The following DNER variants were observed in gnomAD, a reference collection of about 807,000 sequenced individuals.
The protein encoded by DNER is delta/notch like EGF repeat containing.
In DNER, 33 loss-of-function variants were observed where a neutral mutation model predicts 78.2. That is an observed-to-expected ratio of 0.42 (90% CI 0.32 to 0.56). The LOEUF is 0.56. DNER is among the 20% of genes least tolerant of loss of function. DNER has a pLI of 0.11. For synonymous variants in DNER, 417 were observed against 384.8 expected (o/e 1.08, Z -0.98); for missense variants, 918 against 975.3 (o/e 0.94, Z 0.78).
At chr2:229,515,351 G>A (rs1695948751) in intron 5 of DNER, among the ~76,000 whole-genome samples, 1 of 152,188 alleles carries the variant, frequency 6.6e-6, no homozygotes, top group African/African-American at 2.4e-5. Flanking sequence ...CTGTGCATTG[G>A]AAGATTTGTG....
At chr2:229,485,992 G>T (rs1346501343) in intron 6 of DNER, among the ~76,000 whole-genome samples, 1 of 152,096 alleles carries the variant, frequency 6.6e-6, no homozygotes, top group Non-Finnish European at 1.5e-5. Flanking sequence ...CTGAATTTGG[G>T]CTGAATGCTG....
intron 5 of DNER, among the ~76,000 whole-genome samples, chr2:229,528,333 T>C (rs1696243731): frequency 6.6e-6 from 1 of 152,328 alleles, no homozygotes; most frequent in Non-Finnish European, 1.5e-5. Flanking sequence ...GCGCATCACA[T>C]GTGCCACCTT....
chr2:229,572,345 A>T (rs186454388), intron 4 of DNER, among the ~76,000 whole-genome samples: 115 of 152,272 alleles, frequency 7.6e-4, no homozygotes, highest in Non-Finnish European at 1.1e-3. Context: ...ACACTCCTTG[A>T]TCTTCCGATT....
At chr2:229,566,841 T>A in intron 4 of DNER, among the ~76,000 whole-genome samples, 1 of 152,208 alleles carries the variant, frequency 6.6e-6, no homozygotes, top group African/African-American at 2.4e-5. Context: ...TGACTTGTTT[T>A]TCTGCAAAAT....
At chr2:229,362,691 T>G (rs1342483479) in intron 12 of DNER, among the ~76,000 whole-genome samples, 1 of 152,216 alleles carries the variant, frequency 6.6e-6, no homozygotes, top group East Asian at 1.9e-4. Context: ...TTTAGCACAG[T>G]GTCTGGCCCA....
chr2:229,706,242 T>A (rs972156635), intron 1 of DNER, among the ~76,000 whole-genome samples: 4 of 152,154 alleles, frequency 2.6e-5, no homozygotes, highest in African/African-American at 9.7e-5. Context: ...TCTTCCTTTA[T>A]CAAGGGCCAT....
At chr2:229,713,807 G>T (rs943049277) in intron 1 of DNER, among the ~76,000 whole-genome samples, 1 of 152,186 alleles carries the variant, frequency 6.6e-6, no homozygotes, top group Admixed American at 6.5e-5. Flanking sequence ...CTGCCAAGGC[G>T]GGCACCGCTC....
chr2:229,548,086 AGC>A (rs1174050887), intron 4 of DNER, among the ~76,000 whole-genome samples: 1 of 152,226 alleles, frequency 6.6e-6, no homozygotes, highest in Non-Finnish European at 1.5e-5. Flanking sequence ...ATCATTACAA[AGC>A]CACATTCATA....
chr2:229,661,222 TTGTG>T (rs149147322), intron 1 of DNER, among the ~76,000 whole-genome samples: 1 of 151,582 alleles, frequency 6.6e-6, no homozygotes, highest in Non-Finnish European at 1.5e-5. Flanking sequence ...TAATCCATAA[TTGTG>T]TGTGTGTGTG....
intron 1 of DNER, among the ~76,000 whole-genome samples, chr2:229,615,794 A>T (rs377680680): frequency 3.2e-5 from 1 of 30,900 alleles, no homozygotes; most frequent in South Asian, 6.4e-4. Flanking sequence ...GACTAGCGGC[A>T]AAAAAAAAAA....
At chr2:229,661,843 A>C (rs1341527065) in intron 1 of DNER, among the ~76,000 whole-genome samples, 2 of 152,190 alleles carry the variant, frequency 1.3e-5, no homozygotes, top group East Asian at 3.9e-4. Flanking sequence ...ATGCTTTGCC[A>C]CTTCATGGTT....
chr2:229,668,290 T>G (rs1699129957), intron 1 of DNER, among the ~76,000 whole-genome samples: 1 of 151,628 alleles, frequency 6.6e-6, no homozygotes, highest in East Asian at 1.9e-4. Flanking sequence ...CTAACTTAAT[T>G]TGCCTTTTAT....
chr2:229,445,483 G>A (rs574613694), intron 8 of DNER, among the ~76,000 whole-genome samples: 18 of 152,290 alleles, frequency 1.2e-4, no homozygotes, highest in South Asian at 6.2e-4. Flanking sequence ...TTAGATACTC[G>A]CTCAAACACT....
At chr2:229,597,436 T>A (rs866052055) in intron 1 of DNER, among the ~76,000 whole-genome samples, 1 of 152,208 alleles carries the variant, frequency 6.6e-6, no homozygotes, top group Non-Finnish European at 1.5e-5. Flanking sequence ...TTGTATTTTA[T>A]CTCATTAAGG....
chr2:229,573,735 C>T (rs1299099324), intron 4 of DNER, among the ~76,000 whole-genome samples: 1 of 152,124 alleles, frequency 6.6e-6, no homozygotes, highest in Non-Finnish European at 1.5e-5. Flanking sequence ...CTCTGCATAA[C>T]ATTAAATGAG....
chr2:229,382,539 C>T (rs1452419231), intron 11 of DNER, among the ~76,000 whole-genome samples: 1 of 151,986 alleles, frequency 6.6e-6, no homozygotes, highest in African/African-American at 2.4e-5. Context: ...AGATGAATTG[C>T]TAACTAGAAT....
At chr2:229,458,026 C>A (rs1193231245) in intron 7 of DNER, among the ~76,000 whole-genome samples, 1 of 143,404 alleles carries the variant, frequency 7.0e-6, no homozygotes, top group Non-Finnish European at 1.5e-5. Flanking sequence ...ATCCCAGCTA[C>A]TGGGGCGGCT....
chr2:229,641,238 G>A (rs1257707786), intron 1 of DNER, among the ~76,000 whole-genome samples: 1 of 152,166 alleles, frequency 6.6e-6, no homozygotes, highest in Non-Finnish European at 1.5e-5. Context: ...GAGTGGGGGT[G>A]AGGTTAGAGG....
At chr2:229,587,814 A>AT (rs1697530227) in intron 3 of DNER, among the ~76,000 whole-genome samples, 1 of 152,038 alleles carries the variant, frequency 6.6e-6, no homozygotes, top group Non-Finnish European at 1.5e-5. Context: ...AGCACCACAC[A>AT]TATCAGGTCT....
Sources: gnomAD v4.1 joint callset for allele counts (sites outside exome capture counted in the v4.1 genomes callset) on GRCh38, gnomAD v4.1.1 for gene constraint, MANE v1.5 for transcripts, NCBI Gene and HGNC (gene_info 2026-07-23, HGNC 2026-07-21) for gene names.